The following CLEC16A variants were observed in gnomAD, a reference collection of about 807,000 sequenced individuals.
The protein encoded by CLEC16A is C-type lectin domain containing 16A, also known as protein CLEC16A.
In CLEC16A, 51 loss-of-function variants were observed where a neutral mutation model predicts 109.5. That is an observed-to-expected ratio of 0.47 (90% confidence interval 0.37 to 0.59). The LOEUF (loss-of-function observed/expected upper bound fraction) is 0.59, where lower values mean the gene tolerates loss of function less well. CLEC16A is among the 20% of genes least tolerant of loss of function. The pLI is 0.00. For missense variants in CLEC16A, 1,339 were observed against 1,394.0 expected, an observed-to-expected ratio of 0.96 and a Z score of 0.63; for synonymous variants, 673 against 564.2, an observed-to-expected ratio of 1.19 and a Z score of -2.73.
At chr16:11,104,779 GA>G (rs2051119938) in intron 19 of CLEC16A, among the ~76,000 whole-genome samples, 1 of 152,148 alleles carries the variant, frequency 6.6e-6, no homozygotes, top group Admixed American at 6.5e-5. Context: ...CCAGTGTAAG[GA>G]TGCATCTGCC....
intron 22 of CLEC16A, among the ~76,000 whole-genome samples, chr16:11,148,129 T>C (rs2054143860): frequency 6.6e-6 from 1 of 152,230 alleles, no homozygotes; most frequent in South Asian, 2.1e-4. Flanking sequence ...AAAGAAAGAA[T>C]TAGAATCACT....
chr16:10,953,667 C>T (rs2041844317), intron 1 of CLEC16A, among the ~76,000 whole-genome samples: 1 of 152,148 alleles, frequency 6.6e-6, no homozygotes, highest in South Asian at 2.1e-4. Context: ...CAAGAAAAAG[C>T]CACACAGCCT....
In CLEC16A at chr16:11,016,289, A is replaced by G. The variant is rs146544233; in HGVS notation, c.1304-3904A>G. On this transcript the variant is annotated intron_variant, in intron 11 of 23. Coordinates refer to ENST00000409790, the MANE Select transcript of CLEC16A (RefSeq NM_015226.3). The stretch of plus-strand genomic sequence containing the variant: ...GTGAAGGTGAAAATGGCAGAAGGGA[A>G]AGAGAATTATGTTTCCCCGACAGCA... 5.9e-5 allele frequency among the ~76,000 whole-genome samples: 9 copies of G among 152,178 alleles called. No homozygotes were observed. The East Asian group carries it at 1.7e-3, about 29-fold the overall frequency.
chr16:11,104,594 C>A (rs2051109629), intron 19 of CLEC16A, among the ~76,000 whole-genome samples: 1 of 152,142 alleles, frequency 6.6e-6, no homozygotes. Flanking sequence ...GAAGATGTAG[C>A]CCCATCTTCA....
At chr16:11,029,538 C>T (rs1051139213) in intron 13 of CLEC16A, among the ~76,000 whole-genome samples, 3 of 151,574 alleles carry the variant, frequency 2.0e-5, no homozygotes, top group Admixed American at 6.6e-5. Flanking sequence ...TCTCACTGGA[C>T]AGCAAGCTGG....
intron 19 of CLEC16A, among the ~76,000 whole-genome samples, chr16:11,076,495 G>A (rs528094370): frequency 2.0e-5 from 3 of 152,078 alleles, no homozygotes; most frequent in South Asian, 2.1e-4. Context: ...CTGGGGCTCC[G>A]CCTACACACA....
chr16:11,174,103 C>G lies in CLEC16A; in HGVS notation c.2807-4232C>G. The G allele has an allele frequency of 2.2e-6, 1 of 450,548 alleles. No individual in the cohort carries two copies. Among genetic ancestry groups the G allele is most frequent in the Non-Finnish European group, 4.7e-6 (1 of 213,366 alleles). 27.9% of individuals were successfully genotyped at this position (450,548 alleles called of 1,614,324 possible). On this transcript the variant is annotated intron_variant, in intron 23 of 23. Transcript: ENST00000409790. This position sits in a 1 kb window ranked among gnomAD's most constrained non-coding sequence, Gnocchi z 4.7. ...AGTGTCCCCTCCATGTCGCCTCTGC[C>G]GTCCCATTGTTAAAGGCTTTCTATG... is the stretch of plus-strand genomic sequence containing the variant.
chr16:11,175,229 C>T (rs931672945), intron 23 of CLEC16A, among the ~76,000 whole-genome samples: 3 of 152,254 alleles, frequency 2.0e-5, no homozygotes, highest in Non-Finnish European at 2.9e-5. Context: ...TGGCCAGGCA[C>T]ATGGGGGACC....
chr16:11,035,618 G>T (rs2046976012), intron 13 of CLEC16A, among the ~76,000 whole-genome samples: 1 of 152,168 alleles, frequency 6.6e-6, no homozygotes, highest in Non-Finnish European at 1.5e-5. Flanking sequence ...TCTATAAAAT[G>T]GAAATACTAT....
At chr16:11,146,096 G>A (rs2054044495) in intron 22 of CLEC16A, among the ~76,000 whole-genome samples, 1 of 152,124 alleles carries the variant, frequency 6.6e-6, no homozygotes, top group African/African-American at 2.4e-5. Flanking sequence ...TACCTATGTG[G>A]CTCTGTCCTT....
chr16:10,970,605 A>G (rs529398346), intron 4 of CLEC16A, among the ~76,000 whole-genome samples: 10 of 152,236 alleles, frequency 6.6e-5, no homozygotes, highest in African/African-American at 2.2e-4. Flanking sequence ...GTCTCGTCAC[A>G]TTGCCCAGGC....
At chr16:11,166,367 A>T in intron 22 of CLEC16A, 21 bp from the exon 23 acceptor site, 5 of 1,579,170 alleles carry the variant, frequency 3.2e-6, no homozygotes, top group Non-Finnish European at 4.3e-6. Flanking sequence ...CCACTTGGTC[A>T]CCTGGTACTT....
intron 13 of CLEC16A, among the ~76,000 whole-genome samples, chr16:11,036,467 A>C (rs546311865): frequency 6.6e-6 from 1 of 151,056 alleles, no homozygotes; most frequent in Admixed American, 6.6e-5. Flanking sequence ...GCAGCTCAGC[A>C]TGCCTCTTTT....
At chr16:11,076,800 C>T (rs2049400074) in intron 19 of CLEC16A, among the ~76,000 whole-genome samples, 1 of 152,200 alleles carries the variant, frequency 6.6e-6, no homozygotes, top group Admixed American at 6.5e-5. Context: ...TCTGGCCCAG[C>T]CACTGACCAG....
chr16:11,081,628 C>T (rs2152946559), intron 19 of CLEC16A, among the ~76,000 whole-genome samples: 1 of 152,286 alleles, frequency 6.6e-6, no homozygotes, highest in South Asian at 2.1e-4. Context: ...AGCCATAGGG[C>T]CCTATCATTT....
rs554675524 is a variant in CLEC16A, at chr16:11,174,136, G to A, written c.2807-4199G>A. ...TGTTAAAGGCTTTCTATGATCTGTC[G>A]CTGTGTTTTCCCTCTAGTCAGGAGT... is the stretch of plus-strand genomic sequence containing the variant. On this transcript the variant is annotated intron_variant, in intron 23 of 23. Transcript: ENST00000409790. The surrounding 1 kb of genome is among the most constrained non-coding windows in gnomAD (Gnocchi z 4.7). 39 of 468,426 alleles carry A rather than the reference G, an allele frequency of 8.3e-5. 1 individual carries two copies. The East Asian group carries it at 1.7e-3, about 20-fold the overall frequency. The allele number at this position is 468,426 out of a possible 1,614,324, so 29.0% of individuals were successfully genotyped here. A position where few individuals can be genotyped will look rare whatever the true frequency, so the allele number is the denominator to read the frequency against.
chr16:11,035,084 G>A (rs1279667463), intron 13 of CLEC16A, among the ~76,000 whole-genome samples: 2 of 152,284 alleles, frequency 1.3e-5, no homozygotes, highest in Admixed American at 6.5e-5. Context: ...TCTAATGTTC[G>A]CCACAAATTA....
At chr16:10,990,031 G>C (rs755973298) in intron 10 of CLEC16A, among the ~76,000 whole-genome samples, 36 of 152,206 alleles carry the variant, frequency 2.4e-4, no homozygotes, top group Non-Finnish European at 2.5e-4. Context: ...AATCAGTGCT[G>C]GTTCCAAGGC....
rs2043186254 is a variant in CLEC16A at position 10,979,250 on chromosome 16, G to A, written c.904-79G>A. Reference sequence around the variant, plus strand: ...ACAGGACGCCTTTGTTCACACAGAAGGCTTTTGGCTTTGTGTATTTTGTGC... The same window carrying A: ...ACAGGACGCCTTTGTTCACACAGAAAGCTTTTGGCTTTGTGTATTTTGTGC... On this transcript the variant is annotated intron_variant, in intron 8 of 23. Coordinates refer to ENST00000409790, the MANE Select transcript of CLEC16A (RefSeq NM_015226.3). 5.2e-6 allele frequency: 7 copies of A among 1,334,500 alleles called. No individual in the cohort carries two copies. In the South Asian group the frequency reaches 8.8e-5, roughly 17 times the overall value. The allele number at this position is 1,334,500 out of a possible 1,614,324, so 82.7% of individuals were successfully genotyped here.
Sources: gnomAD v4.1 joint callset for allele counts (sites outside exome capture counted in the v4.1 genomes callset) on GRCh38, gnomAD v4.1.1 for gene constraint, Gnocchi (gnomAD v3.1) non-coding constraint, MANE v1.5 for transcripts, NCBI Gene and HGNC (gene_info 2026-07-23, HGNC 2026-07-21) for gene names.